PLAGL1: variants seen among roughly 807,000 people sequenced by gnomAD.
The protein encoded by PLAGL1 is zinc finger protein PLAGL1.
A neutral mutation model predicts 4.6 loss-of-function variants in PLAGL1; 1 was observed. The ratio of observed to expected loss-of-function variants is 0.22; its 90% CI spans 0.08 to 1.03. PLAGL1 has a LOEUF of 1.03. PLAGL1 is among the 50% of genes least tolerant of loss of function. The pLI is 0.58. For missense variants in PLAGL1, 464 were observed against 570.4 expected, an observed-to-expected ratio of 0.81 and a Z score of 1.90; for synonymous variants, 240 against 237.8, an observed-to-expected ratio of 1.01 and a Z score of -0.08.
At chr6:144,021,085 C>A (rs77516841) in intron 1 of PLAGL1, among the ~76,000 whole-genome samples, 13,329 of 151,866 alleles carry the variant, frequency 0.088, 829 homozygotes, top group Admixed American at 0.21. Context: ...GATTCCATAG[C>A]CTGTACTATG....
rs942455255 is a variant in PLAGL1 at position 143,949,096 on chromosome 6, C to T, written c.-324-636G>A. On this transcript the variant is annotated intron_variant, in intron 6 of 7. Transcript: ENST00000674357. The surrounding 1 kb of genome is among the most constrained non-coding windows in gnomAD (Gnocchi z 5.3). ...ATAGCTCAGGAACCAGCCCAGGCCA[C>T]GTTCAGATTTGTAGGCACCATCCTC... 1.3e-5 allele frequency among the ~76,000 whole-genome samples: 2 copies of T among 152,230 alleles called. No individual in the cohort carries two copies. The highest frequency in any genetic ancestry group is 1.9e-4 in the East Asian group (1 of 5,196).
At chr6:144,046,071 T>C (rs1243473499) in intron 1 of PLAGL1, among the ~76,000 whole-genome samples, 2 of 152,218 alleles carry the variant, frequency 1.3e-5, no homozygotes, top group African/African-American at 4.8e-5. Flanking sequence ...TTTGTTCTAG[T>C]GAGCCATTCA....
rs1792706890 is a variant in PLAGL1, at chr6:144,000,874, AATTCTTCATGTC to A, written c.-584+7204_-584+7215del. On this transcript the variant is annotated intron_variant, in intron 1 of 7. Coordinates refer to ENST00000674357, the MANE Select transcript of PLAGL1 (RefSeq NM_001317162.2). This position sits in a 1 kb window ranked among gnomAD's most constrained non-coding sequence, Gnocchi z 4.1. ...ATCCTTTAAAATGTCAGATATTTGTAATTCTTCATGTCATCAAACTAAGAAAAGTCATAATCT... is the reference window on the plus strand; with the variant it reads ...ATCCTTTAAAATGTCAGATATTTGTAATCAAACTAAGAAAAGTCATAATCT... Among the ~76,000 whole-genome samples the A allele has an allele frequency of 6.6e-6, 1 of 152,170 alleles. No homozygotes were observed. Among genetic ancestry groups the A allele is most frequent in the Non-Finnish European group, 1.5e-5 (1 of 67,982 alleles).
intron 6 of PLAGL1, among the ~76,000 whole-genome samples, chr6:143,951,553 GC>G (rs1442315176): frequency 6.6e-6 from 1 of 152,208 alleles, no homozygotes; most frequent in Non-Finnish European, 1.5e-5. Context: ...TGAAAAACTT[GC>G]CCTTTGGCAC....
rs996631272 is a variant in PLAGL1 at position 144,031,579 on chromosome 6, T to G, written c.-151+32889A>C. 1.1e-4 allele frequency among the ~76,000 whole-genome samples: 16 copies of G among 152,220 alleles called. 1 individual carries two copies. Among genetic ancestry groups the G allele is most frequent in the African/African-American group, 3.1e-4 (13 of 41,456 alleles). On this transcript the variant is annotated intron_variant, in intron 1 of 3. Coordinates refer to the PLAGL1 transcript ENST00000437412. ...ATTCTCATACATGTGGCTTGCAAAT[T>G]ATCCCAGCACCATTTGTTGAATAGG...
chr6:144,044,600 G>A (rs1797983446), intron 1 of PLAGL1, among the ~76,000 whole-genome samples: 1 of 151,284 alleles, frequency 6.6e-6, no homozygotes, highest in Non-Finnish European at 1.5e-5. Context: ...ACTTCCAACT[G>A]GTCAACTTTG....
intron 1 of PLAGL1, among the ~76,000 whole-genome samples, chr6:144,062,655 A>C (rs761079263): frequency 4.0e-5 from 6 of 151,812 alleles, no homozygotes; most frequent in Non-Finnish European, 5.9e-5. Context: ...TTCATTTTCT[A>C]CCTTAGTTAT....
At position 143,979,269 on chromosome 6, in the gene PLAGL1, T is replaced by C. The variant is rs998546069; in HGVS notation, c.-544+5866A>G. On this transcript the variant is annotated intron_variant, in intron 2 of 7. Transcript: ENST00000674357. This position sits in a 1 kb window ranked among gnomAD's most constrained non-coding sequence, Gnocchi z 4.6. ...GTGAACAATCAATTGAGGTAACTCA[T>C]TACCTTCAGACTGGCCAATATGTGT... Among the ~76,000 whole-genome samples the C allele has an allele frequency of 1.3e-5, 2 of 152,188 alleles. No individual in the cohort carries two copies. Among genetic ancestry groups the C allele is most frequent in the Non-Finnish European group, 2.9e-5 (2 of 67,994 alleles).
chr6:143,989,293 C>A lies in PLAGL1; in HGVS notation c.-583-4119G>T, dbSNP rs925165607. ...AGTGTGATATGACAGTGAATTGTGT[C>A]AACGTGACTGTGCCACAAGTGCCAG... On this transcript the variant is annotated intron_variant, in intron 1 of 7. Coordinates refer to ENST00000674357, the MANE Select transcript of PLAGL1 (RefSeq NM_001317162.2). This position sits in a 1 kb window ranked among gnomAD's most constrained non-coding sequence, Gnocchi z 4.8. Among the ~76,000 whole-genome samples, 5 of 152,176 alleles carry A rather than the reference C, an allele frequency of 3.3e-5. No homozygotes were observed. The highest frequency in any genetic ancestry group is 1.2e-4 in the African/African-American group (5 of 41,430).
At position 144,058,147 on chromosome 6, in the gene PLAGL1, G is replaced by T. The variant is rs542218320; in HGVS notation, c.-151+6321C>A. On this transcript the variant is annotated intron_variant, in intron 1 of 3. Transcript: ENST00000437412. Reference sequence around the variant, plus strand: ...TACAAGAAGCATGGTGCTGACATATGCTCAGCTTCTGGTGAGGGCTCAAGG... The same window carrying T: ...TACAAGAAGCATGGTGCTGACATATTCTCAGCTTCTGGTGAGGGCTCAAGG... Among the ~76,000 whole-genome samples the T allele has an allele frequency of 1.6e-3, 242 of 152,274 alleles. 1 individual carries two copies. The highest frequency in any genetic ancestry group is 5.5e-3 in the African/African-American group (227 of 41,546).
At position 143,953,433 on chromosome 6, in the gene PLAGL1, T is replaced by G. The variant is rs1439759002; in HGVS notation, c.-324-4973A>C. Among the ~76,000 whole-genome samples, 2 of 152,240 alleles carry G rather than the reference T, an allele frequency of 1.3e-5. No individual in the cohort carries two copies. Among genetic ancestry groups the G allele is most frequent in the East Asian group, 3.8e-4 (2 of 5,204 alleles). On this transcript the variant is annotated intron_variant, in intron 6 of 7. Coordinates refer to ENST00000674357, the MANE Select transcript of PLAGL1 (RefSeq NM_001317162.2). This position sits in a 1 kb window ranked among gnomAD's most constrained non-coding sequence, Gnocchi z 5.3. ...GATAAACAAGAAAGACAAAGTGAAT[T>G]ATTTCTCTAATATTCAGGGAAAAAA...
rs111631614 is a variant in PLAGL1 at position 143,985,891 on chromosome 6, A to T, written c.-583-717T>A. On this transcript the variant is annotated intron_variant, in intron 1 of 7. Transcript: ENST00000674357. This position sits in a 1 kb window ranked among gnomAD's most constrained non-coding sequence, Gnocchi z 4.4. ...CCATCGGCCAAGCTACATATTATAT[A>T]TTATTATGTGTGTGTGTGTGTGTGT... Among the ~76,000 whole-genome samples the T allele has an allele frequency of 7.4e-6, 1 of 134,914 alleles. No homozygotes were observed. The highest frequency in any genetic ancestry group is 2.7e-5 in the African/African-American group (1 of 36,412). The allele number at this position is 134,914 out of a possible 152,430, so 88.5% of individuals were successfully genotyped here.
At position 144,033,007 on chromosome 6, in the gene PLAGL1, A is replaced by C. The variant is rs17532677; in HGVS notation, c.-151+31461T>G. ...AAGTGATGATGAAGGACCACATGCT[A>C]TTATGGACACACAGATTTAGGTCAC... On this transcript the variant is annotated intron_variant, in intron 1 of 3. Transcript: ENST00000437412. 4.1e-3 allele frequency among the ~76,000 whole-genome samples: 622 copies of C among 152,364 alleles called. 2 individuals are homozygous for C. Among genetic ancestry groups the C allele is most frequent in the South Asian group, 0.016 (77 of 4,830 alleles).
intron 7 of PLAGL1, among the ~76,000 whole-genome samples, chr6:143,946,226 G>A (rs1413833393): frequency 3.9e-5 from 6 of 152,142 alleles, no homozygotes; most frequent in Admixed American, 2.0e-4. Context: ...GCGGACCCGT[G>A]CAGCTCAAAC....
chr6:144,034,733 A>T lies in PLAGL1; in HGVS notation c.-151+29735T>A, dbSNP rs145202359. Reference sequence around the variant, plus strand: ...TCCCCCTAGCTTTTAAGATTGAAAAAAAAAATCTTCCTTGGAGGGGACTGT... The same window carrying T: ...TCCCCCTAGCTTTTAAGATTGAAAATAAAAATCTTCCTTGGAGGGGACTGT... On this transcript the variant is annotated intron_variant, in intron 1 of 3. Coordinates refer to the PLAGL1 transcript ENST00000437412. The surrounding 1 kb of genome is among the most constrained non-coding windows in gnomAD (Gnocchi z 4.7). Among the ~76,000 whole-genome samples, 304 of 152,324 alleles carry T rather than the reference A, an allele frequency of 2.0e-3. 8 individuals are homozygous for T. In the East Asian group the frequency reaches 0.051, roughly 25 times the overall value.
Position 143,964,269 on chromosome 6 carries a change from C to G in PLAGL1, c.-399+518G>C, listed in dbSNP as rs1433021955. On this transcript the variant is annotated intron_variant, in intron 5 of 7. Transcript: ENST00000674357. This position sits in a 1 kb window ranked among gnomAD's most constrained non-coding sequence, Gnocchi z 4.3. ...CCCTCACTGGCGGCCCTGGGGCAGA[C>G]AGCTACAAGGATTCAATAAATCACT... is the stretch of plus-strand genomic sequence containing the variant. 6.6e-6 allele frequency among the ~76,000 whole-genome samples: 1 copy of G among 152,118 alleles called. No individual in the cohort carries two copies. The highest frequency in any genetic ancestry group is 1.5e-5 in the Non-Finnish European group (1 of 68,016).
Position 143,952,619 on chromosome 6 carries a change from G to A in PLAGL1, c.-324-4159C>T, listed in dbSNP as rs1220079820. Among the ~76,000 whole-genome samples, 2 of 152,118 alleles carry A rather than the reference G, an allele frequency of 1.3e-5. No individual in the cohort carries two copies. The highest frequency in any genetic ancestry group is 1.3e-4 in the Admixed American group (2 of 15,258). On this transcript the variant is annotated intron_variant, in intron 6 of 7. Coordinates refer to ENST00000674357, the MANE Select transcript of PLAGL1 (RefSeq NM_001317162.2). This position sits in a 1 kb window ranked among gnomAD's most constrained non-coding sequence, Gnocchi z 6.1. The stretch of plus-strand genomic sequence containing the variant: ...CAGCCAGGAAAGACTGTGTTCCCAG[G>A]GGACAGGGGTATACGAGGGTGGAGG...
At chr6:143,981,635 T>A (rs1007850794) in intron 2 of PLAGL1, among the ~76,000 whole-genome samples, 3 of 152,174 alleles carry the variant, frequency 2.0e-5, no homozygotes, top group South Asian at 2.1e-4. Flanking sequence ...CTTTGTTTCA[T>A]ATGTTTTATG....
At chr6:144,001,243 C>A (rs944047581) in intron 1 of PLAGL1, among the ~76,000 whole-genome samples, 4 of 151,588 alleles carry the variant, frequency 2.6e-5, no homozygotes, top group Admixed American at 6.6e-5. Flanking sequence ...CTGAAAAAAT[C>A]CCAATGCCAA....
Sources: gnomAD v4.1 joint callset for allele counts (sites outside exome capture counted in the v4.1 genomes callset) on GRCh38, gnomAD v4.1.1 for gene constraint, Gnocchi (gnomAD v3.1) non-coding constraint, MANE v1.5 for transcripts, NCBI Gene and HGNC (gene_info 2026-07-23, HGNC 2026-07-21) for gene names.